SRSF4: variants seen among roughly 807,000 people sequenced by gnomAD.
SRSF4 encodes the protein serine and arginine rich splicing factor 4, also known as serine/arginine-rich splicing factor 4.
SRSF4 carries 12 observed loss-of-function variants against 48.8 expected under a neutral mutation model. That is an observed-to-expected ratio of 0.25 (90% confidence interval 0.16 to 0.40). SRSF4 has a LOEUF of 0.40. Ranked by LOEUF, SRSF4 falls within the 10% of genes least tolerant of loss-of-function variation. The pLI is 1.00. For missense variants in SRSF4, 466 were observed against 667.1 expected (o/e 0.70, Z 3.32); for synonymous variants, 248 against 232.5 (o/e 1.07, Z -0.61).
At chr1:29,177,715 A>G (rs906674306) in intron 1 of SRSF4, among the ~76,000 whole-genome samples, 5 of 152,116 alleles carry the variant, frequency 3.3e-5, no homozygotes, top group Admixed American at 2.0e-4. Flanking sequence ...AAAGTTCTCT[A>G]GAACAGTGGC....
intron 1 of SRSF4, among the ~76,000 whole-genome samples, chr1:29,165,309 T>C (rs990155932): frequency 6.6e-6 from 1 of 152,226 alleles, no homozygotes; most frequent in African/African-American, 2.4e-5. Flanking sequence ...AATGCGCTCA[T>C]CTTCGTCATT....
intron 1 of SRSF4, among the ~76,000 whole-genome samples, chr1:29,179,548 AG>A (rs1164355902): frequency 6.6e-6 from 1 of 152,234 alleles, no homozygotes; most frequent in African/African-American, 2.4e-5. Flanking sequence ...TTTTTCTTAG[AG>A]ATGGGGTCAG....
rs555455160 is a variant in SRSF4, at chr1:29,162,276, T to C, written c.108-1759A>G. Among the ~76,000 whole-genome samples, 10 of 152,328 alleles carry C rather than the reference T, an allele frequency of 6.6e-5. No individual in the cohort carries two copies. In the South Asian group the frequency reaches 1.9e-3, roughly 28 times the overall value. The stretch of plus-strand genomic sequence containing the variant: ...AAGAAGGATTTTGAACATGCTGTTA[T>C]CTTAGAAAAGGCAAGTAAAGCCTCT... On this transcript the variant is annotated intron_variant, in intron 1 of 5. Coordinates refer to ENST00000373795, the MANE Select transcript of SRSF4 (RefSeq NM_005626.5).
intron 3 of SRSF4, among the ~76,000 whole-genome samples, chr1:29,158,485 A>G (rs1324165707): frequency 1.3e-5 from 2 of 149,048 alleles, no homozygotes; most frequent in African/African-American, 2.5e-5. Flanking sequence ...GCTGGAGTGC[A>G]GTGGCATGAT....
rs186025413 is a variant in SRSF4 at position 29,153,659 on chromosome 1, G to A, written c.578+1037C>T. Among the ~76,000 whole-genome samples, 19 of 148,534 alleles carry A rather than the reference G, an allele frequency of 1.3e-4. No homozygotes were observed. The East Asian group carries it at 2.8e-3, about 22-fold the overall frequency. ...CTTGTTGCCCAGGCTAGAGTGCAAC[G>A]GTGCGCTTGGCTCACCACAACCTCC... On this transcript the variant is annotated intron_variant, in intron 4 of 5. Transcript: ENST00000373795.
In SRSF4 at chr1:29,177,163, T is replaced by C. The variant is rs189438503; in HGVS notation, c.107+4483A>G. ...TATAAAAAATAAAATCTATATACAA[T>C]CAAAGCCAACAAAAGTTACCACAGA... On this transcript the variant is annotated intron_variant, in intron 1 of 5. Transcript: ENST00000373795. Among the ~76,000 whole-genome samples, 138 of 151,960 alleles carry C rather than the reference T, an allele frequency of 9.1e-4. 1 individual carries two copies. Among genetic ancestry groups the C allele is most frequent in the Middle Eastern group, 3.4e-3 (1 of 294 alleles).
rs1056099687 is a variant in SRSF4, at chr1:29,181,824, G to A, written c.-72C>T. ...GCGGCGGCGGGCAAAGCGAGAGCAC[G>A]GCGGCAGCGGCGGCGGCGGCAACGG... On this transcript the variant is annotated 5_prime_UTR_variant, in exon 1 of 6. Coordinates refer to ENST00000373795, the MANE Select transcript of SRSF4 (RefSeq NM_005626.5). 3.2e-6 allele frequency: 4 copies of A among 1,266,968 alleles called. No individual in the cohort carries two copies. The highest frequency in any genetic ancestry group is 3.1e-5 in the African/African-American group (2 of 64,152). The allele number at this position is 1,266,968 out of a possible 1,614,324, so 78.5% of individuals were successfully genotyped here. A position where few individuals can be genotyped will look rare whatever the true frequency, so the allele number is the denominator to read the frequency against.
Position 29,167,247 on chromosome 1 carries a change from T to C in SRSF4, c.108-6730A>G, listed in dbSNP as rs185508357. Among the ~76,000 whole-genome samples the C allele has an allele frequency of 1.5e-4, 23 of 152,264 alleles. No individual in the cohort carries two copies. In the East Asian group the frequency reaches 3.9e-3, roughly 26 times the overall value. On this transcript the variant is annotated intron_variant, in intron 1 of 5. Coordinates refer to ENST00000373795, the MANE Select transcript of SRSF4 (RefSeq NM_005626.5). ...TGTCACTCTCTAAACCTGGAACACCTTGACTACACAAGTTGAATTATATCA... is the reference window on the plus strand; with the variant it reads ...TGTCACTCTCTAAACCTGGAACACCCTGACTACACAAGTTGAATTATATCA...
chr1:29,149,414 C>T (rs182923318), intron 5 of SRSF4, among the ~76,000 whole-genome samples, 188 bp from the exon 6 acceptor site: 6 of 152,318 alleles, frequency 3.9e-5, no homozygotes, highest in Admixed American at 3.9e-4. Flanking sequence ...GGTGCGGCGG[C>T]TCATGCCCAT....
intron 3 of SRSF4, among the ~76,000 whole-genome samples, chr1:29,158,729 C>A (rs1672543668): frequency 2.0e-5 from 3 of 152,266 alleles, no homozygotes; most frequent in African/African-American, 7.2e-5. Context: ...TCACTTGAGG[C>A]CAGGAGTTCG....
chr1:29,149,171 T>C lies in SRSF4; in HGVS notation c.724A>G (p.Ser242Gly). ...SRSRSQSRSRSKKEKSRSPSK... is the reference protein window; with the variant it reads ...SRSRSQSRSRGKKEKSRSPSK... ...GGGCTCCTGCTTTTCTCTTTCTTGC[T>C]CCGGCTCCGACTCTGGCTCCGGCTC... is the stretch of plus-strand genomic sequence containing the variant. Residue 242 changes from serine (S) to glycine (G), a missense_variant, in exon 6 of 6, where the codon AGC becomes GGC. By Grantham distance (56) the Ser-to-Gly change is moderately conservative. Coordinates refer to ENST00000373795, the MANE Select transcript of SRSF4 (RefSeq NM_005626.5). The C allele has an allele frequency of 6.2e-7, 1 of 1,606,834 alleles. No individual in the cohort carries two copies. The highest frequency in any genetic ancestry group is 8.5e-7 in the Non-Finnish European group (1 of 1,175,786).
chr1:29,169,166 C>T (rs1672710098), intron 1 of SRSF4: 1 of 152,218 alleles, frequency 6.6e-6, no homozygotes, highest in South Asian at 2.1e-4. Flanking sequence ...ATTTTCACAA[C>T]TCTGAGGTTT....
intron 1 of SRSF4, among the ~76,000 whole-genome samples, chr1:29,175,694 C>CAAAAAAAAAAAAAAA (rs60942124): frequency 2.6e-5 from 1 of 38,588 alleles, no homozygotes; most frequent in Non-Finnish European, 4.1e-5. Context: ...GACGCTGTCT[C>CAAAAAAAAAAAAAAA]AAAAAAAAAA....
intron 5 of SRSF4, among the ~76,000 whole-genome samples, chr1:29,149,874 A>T (rs1276992977): frequency 2.6e-5 from 4 of 151,734 alleles, no homozygotes; most frequent in African/African-American, 4.8e-5. Flanking sequence ...AAAAAAAATT[A>T]AAAAATTAGC....
chr1:29,149,443 G>A lies in SRSF4; in HGVS notation c.669-217C>T, dbSNP rs577633231. On this transcript the variant is annotated intron_variant, in intron 5 of 5. Transcript: ENST00000373795. ...TGCCCATAATCCCAGCACTTTGAGA[G>A]GCCAAGGCAGGCGGATCGCGAGGTC... Among the ~76,000 whole-genome samples, 85 of 152,254 alleles carry A rather than the reference G, an allele frequency of 5.6e-4. 2 individuals carry two copies. In the South Asian group the frequency reaches 0.012, roughly 21 times the overall value.
rs564917678 is a variant in SRSF4, at chr1:29,157,370, A to G, written c.363+2004T>C. Among the ~76,000 whole-genome samples the G allele has an allele frequency of 3.3e-5, 5 of 152,294 alleles. No homozygotes were observed. In the South Asian group the frequency reaches 1.0e-3, roughly 32 times the overall value. ...TTCTAAGAAGTTAATTTAATATTAC[A>G]TTTAGTGGCACTACATGACGAGTTA... On this transcript the variant is annotated intron_variant, in intron 3 of 5. Coordinates refer to ENST00000373795, the MANE Select transcript of SRSF4 (RefSeq NM_005626.5).
chr1:29,181,087 G>T lies in SRSF4; in HGVS notation c.107+559C>A, dbSNP rs142165982. 1.1e-3 allele frequency among the ~76,000 whole-genome samples: 172 copies of T among 152,272 alleles called. 2 individuals are homozygous for T. The highest frequency in any genetic ancestry group is 0.01 in the Middle Eastern group (3 of 294). The stretch of plus-strand genomic sequence containing the variant: ...TTCAGCACGGCAAGACGATACTTTC[G>T]AAACTGTCACTAGACTACTCAAACT... On this transcript the variant is annotated intron_variant, in intron 1 of 5. Transcript: ENST00000373795.
chr1:29,153,600 A>AT (rs113402257), intron 4 of SRSF4, among the ~76,000 whole-genome samples: 2,389 of 133,030 alleles, frequency 0.018, 31 homozygotes, highest in Middle Eastern at 0.052. Flanking sequence ...TCTGATTTCC[A>AT]TTTTTTTTTT....
chr1:29,162,632 A>T (rs1672616398), intron 1 of SRSF4, among the ~76,000 whole-genome samples: 1 of 152,152 alleles, frequency 6.6e-6, no homozygotes, highest in Non-Finnish European at 1.5e-5. Context: ...ATGCGGAGGG[A>T]GGAGGGACAT....
Sources: gnomAD v4.1 joint callset for allele counts (sites outside exome capture counted in the v4.1 genomes callset) on GRCh38, gnomAD v4.1.1 for gene constraint, MANE v1.5 for transcripts, NCBI Gene and HGNC (gene_info 2026-07-23, HGNC 2026-07-21) for gene names.